Variants in CCL26 observed in about 807,000 individuals in gnomAD.
The protein encoded by CCL26 is C-C motif chemokine 26.
In CCL26, 10 loss-of-function variants were observed where a neutral mutation model predicts 10.7. The ratio of observed to expected loss-of-function variants is 0.93; its 90% CI spans 0.57 to 1.58. The LOEUF is 1.58. CCL26 is among the 40% of genes most tolerant of loss of function. CCL26 has a pLI of 0.00. For synonymous variants in CCL26, 43 were observed against 41.4 expected (o/e 1.04, Z -0.15); for missense variants, 116 against 111.0 (o/e 1.05, Z -0.20).
chr7:75,784,340 C>T (rs1254212069), intron 1 of CCL26, among the ~76,000 whole-genome samples: 3 of 152,224 alleles, frequency 2.0e-5, no homozygotes, highest in Non-Finnish European at 4.4e-5. Context: ...GCCCCTGGAA[C>T]TCTGGCCCAA....
chr7:75,769,953 C>T lies in CCL26; in HGVS notation c.189-164G>A, dbSNP rs79644009. On this transcript the variant is annotated intron_variant, in intron 2 of 2. Coordinates refer to ENST00000005180, the MANE Select transcript of CCL26 (RefSeq NM_001371938.1). ...TTCTCCTGGGCCTTGTCTCCCTCCT[C>T]TTTCCTATCTTGATTTCCACTGGAA... 1.5e-3 allele frequency among the ~76,000 whole-genome samples: 229 copies of T among 152,244 alleles called. 3 individuals are homozygous for T. In the East Asian group the frequency reaches 0.037, roughly 25 times the overall value.
upstream of CCL26, among the ~76,000 whole-genome samples, chr7:75,776,649 CG>C (rs1415743887): frequency 6.6e-6 from 1 of 151,982 alleles, no homozygotes; most frequent in Non-Finnish European, 1.5e-5. Flanking sequence ...ATGGCTGAGG[CG>C]TGAACACTTT....
chr7:75,782,294 A>C (rs1451746273), intron 1 of CCL26, among the ~76,000 whole-genome samples: 3 of 152,126 alleles, frequency 2.0e-5, no homozygotes, highest in African/African-American at 7.2e-5. Flanking sequence ...CTTGGTGTTT[A>C]ATCATTGCGG....
At chr7:75,772,875 T>G (rs1466401314), upstream of CCL26, among the ~76,000 whole-genome samples, 6 of 152,208 alleles carry the variant, frequency 3.9e-5, no homozygotes, top group Admixed American at 6.5e-5. Context: ...AATATTCCAG[T>G]GAACTGAACT....
At position 75,770,444 on chromosome 7, in the gene CCL26, C is replaced by T. The variant is rs186068717; in HGVS notation, c.189-655G>A. 1.1e-4 allele frequency among the ~76,000 whole-genome samples: 16 copies of T among 150,266 alleles called. No individual in the cohort carries two copies. In the East Asian group the frequency reaches 1.8e-3, roughly 17 times the overall value. On this transcript the variant is annotated intron_variant, in intron 2 of 2. Transcript: ENST00000005180. ...TTGCCCAGGCTGGAGTGCAATGGCGCGATCTCGGCTCACCACAACCTCTGC... is the reference window on the plus strand; with the variant it reads ...TTGCCCAGGCTGGAGTGCAATGGCGTGATCTCGGCTCACCACAACCTCTGC...
chr7:75,779,330 C>T (rs558350855), intron 1 of CCL26, among the ~76,000 whole-genome samples: 3 of 152,270 alleles, frequency 2.0e-5, no homozygotes, highest in South Asian at 2.1e-4. Flanking sequence ...TGACTCGGAT[C>T]GGGGGACCTC....
At chr7:75,777,673 C>T (rs548945125) in intron 1 of CCL26, among the ~76,000 whole-genome samples, 1 of 116,132 alleles carries the variant, frequency 8.6e-6, no homozygotes, top group East Asian at 3.0e-4. Context: ...TGCTGGAGCC[C>T]AGGAGTTCAA....
At chr7:75,790,927 G>A (rs1451286689), upstream of CCL26, among the ~76,000 whole-genome samples, 1 of 149,520 alleles carries the variant, frequency 6.7e-6, no homozygotes, top group Non-Finnish European at 1.5e-5. Flanking sequence ...CTGGGCGATA[G>A]AGACTCCATT....
At position 75,783,333 on chromosome 7, in the gene CCL26, G is replaced by A. The variant is rs573928655; in HGVS notation, c.-79+6384C>T. Reference sequence around the variant, plus strand: ...CTAGCCCAATCTCACACTGATAACCGCCGGCTTCACGAGCCAGACCTCCAG... The same window carrying A: ...CTAGCCCAATCTCACACTGATAACCACCGGCTTCACGAGCCAGACCTCCAG... On this transcript the variant is annotated intron_variant, in intron 1 of 3. Coordinates refer to the CCL26 transcript ENST00000394905. Among the ~76,000 whole-genome samples the A allele has an allele frequency of 9.3e-4, 142 of 152,154 alleles. 2 individuals are homozygous for A. The highest frequency in any genetic ancestry group is 3.4e-3 in the Middle Eastern group (1 of 294).
intron 1 of CCL26, among the ~76,000 whole-genome samples, chr7:75,781,758 C>A (rs1367948458): frequency 6.6e-6 from 1 of 152,030 alleles, no homozygotes; most frequent in Non-Finnish European, 1.5e-5. Context: ...CGCCAGAGAA[C>A]AACCCCCTTT....
intron 1 of CCL26, among the ~76,000 whole-genome samples, chr7:75,783,285 A>T (rs782545177): frequency 1.7e-4 from 26 of 152,162 alleles, no homozygotes; most frequent in Non-Finnish European, 3.8e-4. Flanking sequence ...CTCTCCCCAG[A>T]TGAACAGGAA....
At chr7:75,787,141 G>A (rs1397486340) in intron 1 of CCL26, among the ~76,000 whole-genome samples, 6 of 152,160 alleles carry the variant, frequency 3.9e-5, no homozygotes, top group African/African-American at 1.4e-4. Context: ...CACAGGGTCT[G>A]AGAAGGTCAC....
chr7:75,791,013 C>CTTTTTTTTTT (rs35608337), upstream of CCL26, among the ~76,000 whole-genome samples: 3 of 134,352 alleles, frequency 2.2e-5, no homozygotes, highest in Non-Finnish European at 3.2e-5. Flanking sequence ...GAAACTCCTC[C>CTTTTTTTTTT]TTTTTTTTTT....
chr7:75,779,858 T>C (rs1424576010), intron 1 of CCL26, among the ~76,000 whole-genome samples: 2 of 151,636 alleles, frequency 1.3e-5, no homozygotes, highest in Non-Finnish European at 2.9e-5. Flanking sequence ...TGTGTCTCTA[T>C]CCCTTTTCCA....
At chr7:75,787,961 C>T (rs1554530217) in intron 1 of CCL26, among the ~76,000 whole-genome samples, 1 of 151,990 alleles carries the variant, frequency 6.6e-6, no homozygotes, top group Non-Finnish European at 1.5e-5. Context: ...TTAACAACCC[C>T]ACAATATCGC....
chr7:75,785,965 T>C (rs1585015996), intron 1 of CCL26, among the ~76,000 whole-genome samples: 1 of 152,220 alleles, frequency 6.6e-6, no homozygotes. Context: ...GCTGCCACCC[T>C]AATACTTTTA....
chr7:75,776,597 CAAGA>C (rs1272632259), upstream of CCL26, among the ~76,000 whole-genome samples: 22 of 146,104 alleles, frequency 1.5e-4, no homozygotes, highest in Middle Eastern at 3.5e-3. Context: ...GGAAAGCAAG[CAAGA>C]AAGAAAGAAA....
chr7:75,770,835 C>T (rs1802805520), intron 2 of CCL26, among the ~76,000 whole-genome samples: 1 of 152,130 alleles, frequency 6.6e-6, no homozygotes, highest in Non-Finnish European at 1.5e-5. Flanking sequence ...GCCACCTCAC[C>T]TGGCTGATTC....
At chr7:75,777,906 GCATGTTGCCAC>G (rs1802978246) in intron 1 of CCL26, among the ~76,000 whole-genome samples, 1 of 149,132 alleles carries the variant, frequency 6.7e-6, no homozygotes, top group African/African-American at 2.5e-5. Flanking sequence ...TGCAGCCTCT[GCATGTTGCCAC>G]CATGTTTGTC....
Sources: allele counts gnomAD v4.1 joint callset (sites outside exome capture counted in the v4.1 genomes callset), GRCh38; gene constraint gnomAD v4.1.1; transcripts MANE v1.5; gene names NCBI Gene and HGNC (gene_info 2026-07-23, HGNC 2026-07-21).